CSMD1: variants seen among roughly 807,000 people sequenced by gnomAD.
The protein encoded by CSMD1 is CUB and Sushi multiple domains 1.
CSMD1 carries 213 observed loss-of-function variants against 417.5 expected under a neutral mutation model. That is an observed-to-expected ratio of 0.51 (90% CI 0.46 to 0.57). CSMD1 has a LOEUF of 0.57. Among genes scored for constraint, CSMD1 ranks in the 20% least tolerant of loss-of-function variants. The pLI is 0.00. For missense variants in CSMD1, 6,923 were observed against 4,529.7 expected, an observed-to-expected ratio of 1.53 and a Z score of -15.17; for synonymous variants, 2,862 against 1,736.8, an observed-to-expected ratio of 1.65 and a Z score of -16.11.
intron 1 of CSMD1, among the ~76,000 whole-genome samples, chr8:4,942,827 G>T (rs779944094): frequency 1.3e-4 from 20 of 152,218 alleles, no homozygotes; most frequent in Admixed American, 2.6e-4. Context: ...GATAATAGGT[G>T]TTAACTAATT....
chr8:3,364,039 G>A (rs1011930143), intron 20 of CSMD1, among the ~76,000 whole-genome samples: 1 of 152,036 alleles, frequency 6.6e-6, no homozygotes, highest in African/African-American at 2.4e-5. Flanking sequence ...AAATAAACTC[G>A]ATTAACAGGA....
intron 42 of CSMD1, among the ~76,000 whole-genome samples, chr8:3,113,993 G>C (rs896623685): frequency 3.9e-5 from 6 of 152,128 alleles, no homozygotes; most frequent in African/African-American, 1.4e-4. Flanking sequence ...TTAGGGAGGA[G>C]GATCATTTGA....
intron 39 of CSMD1, 26 bp from the exon 40 acceptor site, chr8:3,151,539 C>G: frequency 2.1e-6 from 3 of 1,429,646 alleles, no homozygotes; most frequent in Non-Finnish European, 2.9e-6. Context: ...GATGTCAGTC[C>G]TGCAGGTCCT....
At chr8:4,284,755 C>T (rs1449136624) in intron 3 of CSMD1, among the ~76,000 whole-genome samples, 1 of 152,120 alleles carries the variant, frequency 6.6e-6, no homozygotes, top group Non-Finnish European at 1.5e-5. Flanking sequence ...TGATAGCCTT[C>T]TTCTAACCAC....
intron 3 of CSMD1, among the ~76,000 whole-genome samples, chr8:4,360,514 G>T (rs924519794): frequency 2.0e-5 from 3 of 152,138 alleles, no homozygotes; most frequent in Non-Finnish European, 4.4e-5. Context: ...CTTTGAGATG[G>T]AGTCTGGCTC....
chr8:3,065,428 G>T (rs1812876411), intron 49 of CSMD1, among the ~76,000 whole-genome samples: 1 of 151,984 alleles, frequency 6.6e-6, no homozygotes, highest in African/African-American at 2.4e-5. Flanking sequence ...GTAGAGAGAT[G>T]ATAGGAAGAT....
At chr8:3,917,843 G>T (rs1808932380) in intron 5 of CSMD1, among the ~76,000 whole-genome samples, 1 of 151,918 alleles carries the variant, frequency 6.6e-6, no homozygotes, top group Non-Finnish European at 1.5e-5. Flanking sequence ...AAGCACATAA[G>T]ATCTACATGC....
At chr8:3,355,223 G>A (rs1808703608) in intron 21 of CSMD1, among the ~76,000 whole-genome samples, 3 of 152,004 alleles carry the variant, frequency 2.0e-5, no homozygotes, top group African/African-American at 7.2e-5. Flanking sequence ...ACTAGATACG[G>A]ATTTAAGGCT....
At chr8:3,208,110 T>C (rs1029922886) in intron 30 of CSMD1, among the ~76,000 whole-genome samples, 3 of 152,196 alleles carry the variant, frequency 2.0e-5, no homozygotes, top group Non-Finnish European at 2.9e-5. Context: ...AAATATATTT[T>C]ATTTGCGCTC....
At chr8:3,671,676 C>T (rs959804602) in intron 7 of CSMD1, among the ~76,000 whole-genome samples, 2 of 150,086 alleles carry the variant, frequency 1.3e-5, no homozygotes, top group Non-Finnish European at 3.0e-5. Context: ...CTTTAAGGTG[C>T]TGTGAGCTCC....
chr8:3,853,558 A>T (rs1481865851), intron 5 of CSMD1, among the ~76,000 whole-genome samples: 1 of 152,140 alleles, frequency 6.6e-6, no homozygotes, highest in Admixed American at 6.5e-5. Flanking sequence ...TTTATGTAAG[A>T]AAGTGATTAT....
intron 5 of CSMD1, among the ~76,000 whole-genome samples, chr8:3,966,738 C>CACACACAG (rs1355914081): frequency 3.9e-5 from 4 of 102,050 alleles, no homozygotes; most frequent in African/African-American, 1.5e-4. Flanking sequence ...CACAGACACA[C>CACACACAG]ACACACACAC....
intron 11 of CSMD1, among the ~76,000 whole-genome samples, chr8:3,480,774 C>T (rs1489424334): frequency 6.6e-6 from 1 of 152,074 alleles, no homozygotes; most frequent in African/African-American, 2.4e-5. Context: ...AACTGACAAC[C>T]ACAAATTCTA....
At chr8:3,024,746 C>T (rs1216624384) in intron 51 of CSMD1, among the ~76,000 whole-genome samples, 1 of 152,160 alleles carries the variant, frequency 6.6e-6, no homozygotes, top group Non-Finnish European at 1.5e-5. Context: ...TAGATGGTTA[C>T]CATGTTGAGG....
intron 3 of CSMD1, among the ~76,000 whole-genome samples, chr8:4,339,421 T>C (rs934835205): frequency 6.6e-6 from 1 of 152,120 alleles, no homozygotes; most frequent in Non-Finnish European, 1.5e-5. Flanking sequence ...CTCTCTTTCA[T>C]GTAAATGAGA....
intron 52 of CSMD1, among the ~76,000 whole-genome samples, chr8:3,010,408 G>T (rs117225590): frequency 2.0e-5 from 3 of 152,178 alleles, no homozygotes; most frequent in Admixed American, 6.5e-5. Flanking sequence ...CCTAGAGCGG[G>T]TGTCAGAGTT....
At position 3,367,266 on chromosome 8, in the gene CSMD1, GGA is replaced by G. The variant is rs150085581; in HGVS notation, c.2900-21_2900-20del. 87,731 of 1,490,314 alleles carry G rather than the reference GGA, an allele frequency of 0.059. 2,853 individuals carry two copies. Among genetic ancestry groups the G allele is most frequent in the East Asian group, 0.16 (6,816 of 41,558 alleles). The allele number at this position is 1,490,314 out of a possible 1,614,324, so 92.3% of individuals were successfully genotyped here. A position where few individuals can be genotyped will look rare whatever the true frequency, so the allele number is the denominator to read the frequency against. The stretch of plus-strand genomic sequence containing the variant: ...TGAACTCCTGAGAAATGAAGCCGGG[GGA>G]GAGAGAGAGAGACAGAGAGAGACAC... On this transcript the variant is annotated intron_variant, in intron 19 of 69. Coordinates refer to ENST00000635120, the MANE Select transcript of CSMD1 (RefSeq NM_033225.6).
At chr8:4,566,061 G>A (rs1046532191) in intron 2 of CSMD1, among the ~76,000 whole-genome samples, 3 of 151,810 alleles carry the variant, frequency 2.0e-5, no homozygotes, top group African/African-American at 7.3e-5. Flanking sequence ...TTGCCTATGA[G>A]ATATATTAAC....
At position 3,937,036 on chromosome 8, in the gene CSMD1, T is replaced by A. The variant is rs576405866; in HGVS notation, c.818+60867A>T. On this transcript the variant is annotated intron_variant, in intron 5 of 69. Transcript: ENST00000635120. ...AAAGGTTTCAGTGGAGGAAGTAACTTCAGACATGTTGAAAACAGCAAGAGA... is the reference window on the plus strand; with the variant it reads ...AAAGGTTTCAGTGGAGGAAGTAACTACAGACATGTTGAAAACAGCAAGAGA... 3.9e-5 allele frequency among the ~76,000 whole-genome samples: 6 copies of A among 152,264 alleles called. No homozygotes were observed. The South Asian group carries it at 8.3e-4, about 21-fold the overall frequency.
Sources: gnomAD v4.1 joint callset for allele counts (sites outside exome capture counted in the v4.1 genomes callset) on GRCh38, gnomAD v4.1.1 for gene constraint, MANE v1.5 for transcripts, NCBI Gene and HGNC (gene_info 2026-07-23, HGNC 2026-07-21) for gene names.